Variants in TMEM116 observed in about 807,000 individuals in gnomAD.
TMEM116 encodes the protein transmembrane protein 116.
A neutral mutation model predicts 44.3 loss-of-function variants in TMEM116; 38 were observed. That is an observed-to-expected ratio of 0.86 (90% CI 0.66 to 1.12). The LOEUF is 1.12. TMEM116 is among the 50% of genes most tolerant of loss of function. The probability of loss-of-function intolerance (pLI) is 0.00; values close to 1 mark genes in which losing one functional copy is unlikely to be tolerated. For synonymous variants in TMEM116, 132 were observed against 144.8 expected, an observed-to-expected ratio of 0.91 and a Z score of 0.64; for missense variants, 354 against 401.7, an observed-to-expected ratio of 0.88 and a Z score of 1.01.
chr12:112,004,625 C>A (rs1479943207), intron 2 of TMEM116, among the ~76,000 whole-genome samples: 1 of 151,752 alleles, frequency 6.6e-6, no homozygotes, highest in Admixed American at 6.6e-5. Context: ...CACAAATTTG[C>A]ACATTCTCCT....
chr12:111,988,943 G>A (rs2136597282), intron 4 of TMEM116, among the ~76,000 whole-genome samples: 1 of 152,284 alleles, frequency 6.6e-6, no homozygotes, highest in South Asian at 2.1e-4. Context: ...AGTGAGCCAA[G>A]ATTATGCCAT....
chr12:111,934,135 C>G, intron 8 of TMEM116, 105 bp from the exon 9 acceptor site: 1 of 1,274,184 alleles, frequency 7.8e-7, no homozygotes, highest in Non-Finnish European at 1.1e-6. Context: ...AATCTCACAA[C>G]AGGAACGACC....
Position 111,931,533 on chromosome 12 carries a change from A to G in TMEM116, c.*88T>C. 4 of 1,335,808 alleles carry G rather than the reference A, an allele frequency of 3.0e-6. No homozygotes were observed. Among genetic ancestry groups the G allele is most frequent in the Non-Finnish European group, 3.2e-6 (3 of 942,542 alleles). 82.7% of individuals were successfully genotyped at this position (1,335,808 alleles called of 1,614,324 possible). A position where few individuals can be genotyped will look rare whatever the true frequency, so the allele number is the denominator to read the frequency against. On this transcript the variant is annotated 3_prime_UTR_variant, in exon 11 of 11. Coordinates refer to ENST00000552374, the MANE Select transcript of TMEM116 (RefSeq NM_001193531.2). ...GTTCTGCAGTTTAGGGCATAGTTAG[A>G]AAAGATTTAAGATGTCCTTTCCCAA...
intron 4 of TMEM116, among the ~76,000 whole-genome samples, chr12:111,983,559 T>C (rs971437781): frequency 6.6e-6 from 1 of 152,024 alleles, no homozygotes; most frequent in African/African-American, 2.4e-5. Context: ...ACTGAACCAC[T>C]GCACTCCAGC....
intron 4 of TMEM116, among the ~76,000 whole-genome samples, chr12:111,960,923 A>C (rs922286409): frequency 2.0e-5 from 3 of 152,172 alleles, no homozygotes; most frequent in African/African-American, 7.2e-5. Flanking sequence ...AAATAGATAG[A>C]CCACTAGCCA....
At chr12:111,963,958 G>C (rs1240520929) in intron 4 of TMEM116, among the ~76,000 whole-genome samples, 2 of 151,856 alleles carry the variant, frequency 1.3e-5, no homozygotes, top group Admixed American at 1.3e-4. Flanking sequence ...TTTCTTTTAT[G>C]AAAGTAGATG....
At chr12:111,955,464 T>G (rs1245012103) in intron 4 of TMEM116, among the ~76,000 whole-genome samples, 1 of 152,200 alleles carries the variant, frequency 6.6e-6, no homozygotes, top group East Asian at 1.9e-4. Context: ...ATCCTCTCAG[T>G]GCAGAGCTAG....
intron 4 of TMEM116, among the ~76,000 whole-genome samples, chr12:111,962,647 C>T (rs954750651): frequency 2.0e-5 from 3 of 152,160 alleles, no homozygotes; most frequent in Admixed American, 6.5e-5. Flanking sequence ...TTCCTTACAC[C>T]TTATACAAAA....
At chr12:111,964,857 T>A (rs952283234) in intron 4 of TMEM116, among the ~76,000 whole-genome samples, 11 of 143,848 alleles carry the variant, frequency 7.6e-5, no homozygotes, top group East Asian at 2.1e-4. Flanking sequence ...CCAGCTAATT[T>A]AAAAAAAATT....
intron 4 of TMEM116, among the ~76,000 whole-genome samples, chr12:111,986,319 A>C (rs1478885960): frequency 6.6e-6 from 1 of 152,144 alleles, no homozygotes; most frequent in Non-Finnish European, 1.5e-5. Context: ...CGATCATGCC[A>C]CTGCACTTCA....
intron 4 of TMEM116, among the ~76,000 whole-genome samples, chr12:111,958,828 C>G (rs1422349507): frequency 6.6e-6 from 1 of 152,034 alleles, no homozygotes; most frequent in African/African-American, 2.4e-5. Flanking sequence ...AACAAAGCCT[C>G]CAAGAAATAT....
intron 3 of TMEM116, chr12:112,000,956 C>A: frequency 2.6e-6 from 1 of 377,580 alleles, no homozygotes. Context: ...GCAGGGCTGC[C>A]TGCAGCAGTC....
At position 111,931,685 on chromosome 12, in the gene TMEM116, C is replaced by CT; in HGVS notation, c.949dup (p.Ser317LysfsTer53). ...GGATTCCAGTGAATTTAAGCCCCTG[C>CT]TATAGAATCTCTTCTGTGAGCATAA... is the stretch of plus-strand genomic sequence containing the variant. On this transcript the variant is annotated frameshift_variant, in exon 11 of 11. Coordinates refer to ENST00000552374, the MANE Select transcript of TMEM116 (RefSeq NM_001193531.2). LOFTEE classifies it high-confidence loss of function. The CT allele has an allele frequency of 6.2e-7, 1 of 1,614,136 alleles. No individual in the cohort carries two copies. Among genetic ancestry groups the CT allele is most frequent in the Non-Finnish European group, 8.5e-7 (1 of 1,180,012 alleles).
At chr12:112,009,867 AC>A (rs1449634266) in intron 1 of TMEM116, among the ~76,000 whole-genome samples, 1 of 151,882 alleles carries the variant, frequency 6.6e-6, no homozygotes, top group Non-Finnish European at 1.5e-5. Flanking sequence ...ACAAAACAAA[AC>A]CTACTTCTAA....
At chr12:111,959,770 A>G (rs1321105247) in intron 4 of TMEM116, among the ~76,000 whole-genome samples, 1 of 152,260 alleles carries the variant, frequency 6.6e-6, no homozygotes, top group Non-Finnish European at 1.5e-5. Context: ...AGGGCATTAC[A>G]TAATGGTAAA....
intron 4 of TMEM116, among the ~76,000 whole-genome samples, chr12:111,990,937 T>C (rs2076526438): frequency 6.6e-6 from 1 of 152,098 alleles, no homozygotes; most frequent in African/African-American, 2.4e-5. Context: ...AAAGTATTCA[T>C]TGGCTGGGCA....
At position 111,951,252 on chromosome 12, in the gene TMEM116, GT is replaced by G. The variant is rs546138451; in HGVS notation, c.211-7884del. 1.1e-3 allele frequency among the ~76,000 whole-genome samples: 167 copies of G among 152,348 alleles called. 1 individual carries two copies. Among genetic ancestry groups the G allele is most frequent in the African/African-American group, 3.9e-3 (163 of 41,574 alleles). On this transcript the variant is annotated intron_variant, in intron 4 of 10. Transcript: ENST00000552374. ...ATTAGTTCAACCATTGTGGAAAACAGTGTGGTGATTCCTCAAAGACCTAAAG... is the reference window on the plus strand; with the variant it reads ...ATTAGTTCAACCATTGTGGAAAACAGGTGGTGATTCCTCAAAGACCTAAAG...
chr12:111,970,745 C>G (rs970796223), intron 4 of TMEM116, among the ~76,000 whole-genome samples: 15 of 152,070 alleles, frequency 9.9e-5, no homozygotes, highest in Admixed American at 5.2e-4. Context: ...TGCCACCATG[C>G]CCAGCTAATT....
chr12:112,003,369 C>A (rs2077381815), intron 3 of TMEM116, among the ~76,000 whole-genome samples: 1 of 152,134 alleles, frequency 6.6e-6, no homozygotes, highest in Non-Finnish European at 1.5e-5. Flanking sequence ...GAGATCGAGA[C>A]CATCCTGGCT....
Sources: gnomAD v4.1 joint callset for allele counts (sites outside exome capture counted in the v4.1 genomes callset) on GRCh38, gnomAD v4.1.1 for gene constraint, MANE v1.5 for transcripts, NCBI Gene and HGNC (gene_info 2026-07-23, HGNC 2026-07-21) for gene names.